The following ST6GALNAC3 variants were observed in gnomAD, a reference collection of about 807,000 sequenced individuals.
ST6GALNAC3 encodes ST6 N-acetylgalactosaminide alpha-2,6-sialyltransferase 3.
Under a neutral mutation model 32.7 loss-of-function variants are expected in ST6GALNAC3, and 25 were observed. The ratio of observed to expected loss-of-function variants is 0.76; its 90% CI spans 0.56 to 1.07. ST6GALNAC3 has a LOEUF of 1.07. Ranked by LOEUF, ST6GALNAC3 falls within the 50% of genes least tolerant of loss-of-function variation. The probability of loss-of-function intolerance (pLI) is 0.00; values close to 1 mark genes in which losing one functional copy is unlikely to be tolerated. For missense variants in ST6GALNAC3, 355 were observed against 382.4 expected (o/e 0.93, Z 0.60); for synonymous variants, 129 against 133.1 (o/e 0.97, Z 0.21).
chr1:76,143,421 G>GTGTGTGTGTGTC (rs924959956), intron 1 of ST6GALNAC3, among the ~76,000 whole-genome samples: 2 of 151,784 alleles, frequency 1.3e-5, no homozygotes, highest in African/African-American at 4.8e-5. Flanking sequence ...GTGTGTGTGT[G>GTGTGTGTGTGTC]TGTCCGTCTG....
chr1:76,152,754 C>T (rs914442526), intron 1 of ST6GALNAC3, among the ~76,000 whole-genome samples: 5 of 152,056 alleles, frequency 3.3e-5, no homozygotes, highest in African/African-American at 1.2e-4. Flanking sequence ...CCATTTTGAC[C>T]GTTGGGCAGA....
chr1:76,445,634 G>T (rs1182582170), intron 3 of ST6GALNAC3, among the ~76,000 whole-genome samples: 20 of 151,822 alleles, frequency 1.3e-4, no homozygotes, highest in Non-Finnish European at 2.9e-4. Flanking sequence ...TCTTTATTTT[G>T]CATGCATATA....
At chr1:76,287,424 G>A (rs1659847592) in intron 1 of ST6GALNAC3, among the ~76,000 whole-genome samples, 1 of 137,518 alleles carries the variant, frequency 7.3e-6, no homozygotes, top group Admixed American at 7.9e-5. Flanking sequence ...GGCACCAGCT[G>A]AGTGTGGGAT....
intron 3 of ST6GALNAC3, among the ~76,000 whole-genome samples, chr1:76,456,953 C>A (rs1182892046): frequency 6.6e-6 from 1 of 151,974 alleles, no homozygotes; most frequent in Non-Finnish European, 1.5e-5. Flanking sequence ...TCTAGAAAAC[C>A]CCATTGTCTC....
At chr1:76,330,594 T>C (rs1372504000) in intron 2 of ST6GALNAC3, among the ~76,000 whole-genome samples, 1 of 152,240 alleles carries the variant, frequency 6.6e-6, no homozygotes, top group Admixed American at 6.5e-5. Context: ...TAGGCATTCT[T>C]CTAAGTGGTT....
chr1:76,273,276 T>C (rs1658953800), intron 1 of ST6GALNAC3, among the ~76,000 whole-genome samples: 2 of 151,294 alleles, frequency 1.3e-5, no homozygotes. Context: ...AATATTTATA[T>C]AGAGAAAGCT....
intron 1 of ST6GALNAC3, among the ~76,000 whole-genome samples, chr1:76,186,895 G>A (rs1163865842): frequency 1.3e-5 from 2 of 152,140 alleles, no homozygotes; most frequent in Non-Finnish European, 2.9e-5. Flanking sequence ...CCAGTGTTAA[G>A]CAGATGAGCA....
intron 1 of ST6GALNAC3, among the ~76,000 whole-genome samples, chr1:76,075,695 G>A (rs1489832088): frequency 6.8e-6 from 1 of 147,348 alleles, no homozygotes; most frequent in African/African-American, 2.4e-5. Context: ...CACTGGTAGA[G>A]GCCTCCCCTG....
intron 2 of ST6GALNAC3, among the ~76,000 whole-genome samples, chr1:76,321,680 G>C (rs1267433555): frequency 3.3e-5 from 5 of 152,142 alleles, no homozygotes. Context: ...GTCTGCAAGG[G>C]GTGAACGCTG....
At chr1:76,250,266 A>G (rs923496053) in intron 1 of ST6GALNAC3, among the ~76,000 whole-genome samples, 1 of 152,208 alleles carries the variant, frequency 6.6e-6, no homozygotes, top group Non-Finnish European at 1.5e-5. Context: ...TCAGGCTTCA[A>G]TGGCTTCCAG....
chr1:76,442,056 A>T (rs1011772159), intron 3 of ST6GALNAC3, among the ~76,000 whole-genome samples: 2 of 152,340 alleles, frequency 1.3e-5, no homozygotes, highest in African/African-American at 4.8e-5. Flanking sequence ...AGTGCAACTG[A>T]GTGAGAAAAG....
At chr1:76,539,000 G>A (rs6593544) in intron 3 of ST6GALNAC3, among the ~76,000 whole-genome samples, 123,516 of 152,168 alleles carry the variant, frequency 0.81, 51,917 homozygotes, top group East Asian at 0.99. Context: ...GTTCTTCATC[G>A]AATGAGAAAA....
chr1:76,142,141 G>A (rs1164353071), intron 1 of ST6GALNAC3, among the ~76,000 whole-genome samples: 1 of 152,178 alleles, frequency 6.6e-6, no homozygotes, highest in African/African-American at 2.4e-5. Context: ...AAAAGCAAAG[G>A]TATGGAGATG....
chr1:76,370,558 A>G (rs1351743680), intron 2 of ST6GALNAC3, among the ~76,000 whole-genome samples: 4 of 152,100 alleles, frequency 2.6e-5, no homozygotes, highest in Admixed American at 2.6e-4. Flanking sequence ...TAAGGTCACC[A>G]AGAGTGACTT....
intron 3 of ST6GALNAC3, among the ~76,000 whole-genome samples, chr1:76,527,828 G>A (rs2101811702): frequency 6.6e-6 from 1 of 152,200 alleles, no homozygotes; most frequent in East Asian, 1.9e-4. Context: ...CACCTGAAAA[G>A]GCCTTGATTG....
intron 1 of ST6GALNAC3, among the ~76,000 whole-genome samples, chr1:76,237,058 C>T (rs544533126): frequency 6.6e-6 from 1 of 152,200 alleles, no homozygotes; most frequent in Non-Finnish European, 1.5e-5. Context: ...GGCCACGGGG[C>T]CAGGCAAGAT....
chr1:76,245,221 G>A (rs972688092), intron 1 of ST6GALNAC3, among the ~76,000 whole-genome samples: 1 of 152,188 alleles, frequency 6.6e-6, no homozygotes, highest in Admixed American at 6.5e-5. Context: ...TATTTGTATA[G>A]AGGTGTTTAT....
At chr1:76,252,712 T>G (rs988487763) in intron 1 of ST6GALNAC3, among the ~76,000 whole-genome samples, 1 of 152,208 alleles carries the variant, frequency 6.6e-6, no homozygotes, top group Admixed American at 6.5e-5. Flanking sequence ...TGTCCAAGAC[T>G]GTAAACACAG....
At chr1:76,464,909 C>T (rs1369488144) in intron 3 of ST6GALNAC3, among the ~76,000 whole-genome samples, 1 of 152,150 alleles carries the variant, frequency 6.6e-6, no homozygotes, top group African/African-American at 2.4e-5. Flanking sequence ...TATTTCATCT[C>T]CCCAAATCTC....
Sources: allele counts gnomAD v4.1 joint callset (sites outside exome capture counted in the v4.1 genomes callset), GRCh38; gene constraint gnomAD v4.1.1; transcripts MANE v1.5; gene names NCBI Gene and HGNC (gene_info 2026-07-23, HGNC 2026-07-21).